TENM2: variants seen among roughly 807,000 people sequenced by gnomAD.
TENM2 encodes teneurin transmembrane protein 2.
A neutral mutation model predicts 245.2 loss-of-function variants in TENM2; 52 were observed. That is an observed-to-expected ratio of 0.21 (90% CI 0.17 to 0.27). The LOEUF (loss-of-function observed/expected upper bound fraction) is 0.27, where lower values mean the gene tolerates loss of function less well. TENM2 is among the 10% of genes least tolerant of loss of function. TENM2 has a pLI of 1.00. For synonymous variants in TENM2, 1,363 were observed against 1,438.9 expected (o/e 0.95, Z 1.19); for missense variants, 3,046 against 3,666.8 (o/e 0.83, Z 4.37).
intron 2 of TENM2, among the ~76,000 whole-genome samples, chr5:167,449,696 G>C (rs1765461554): frequency 6.6e-6 from 1 of 152,138 alleles, no homozygotes; most frequent in Non-Finnish European, 1.5e-5. Flanking sequence ...AGTGGCTCAT[G>C]CCTGTAATCC....
chr5:167,190,591 G>A, the TENM2 span, among the ~76,000 whole-genome samples: 1 of 152,134 alleles, frequency 6.6e-6, no homozygotes, highest in East Asian at 1.9e-4. Context: ...AAATCTCCAA[G>A]GGTACTTTTT....
At chr5:167,605,975 C>G (rs1777015238) in intron 2 of TENM2, among the ~76,000 whole-genome samples, 1 of 152,152 alleles carries the variant, frequency 6.6e-6, no homozygotes, top group East Asian at 1.9e-4. Context: ...CATGCATTTA[C>G]CCTCTTGGAA....
At position 168,138,730 on chromosome 5, in the gene TENM2, A is replaced by G. The variant is rs537462771; in HGVS notation, c.2422+11764A>G. On this transcript the variant is annotated intron_variant, in intron 12 of 28. Transcript: ENST00000518659. Reference sequence around the variant, plus strand: ...CTAAACATCAATAAGAAAGCCACACACATCATCCATGGTAACATGTCTGGG... The same window carrying G: ...CTAAACATCAATAAGAAAGCCACACGCATCATCCATGGTAACATGTCTGGG... Among the ~76,000 whole-genome samples, 4 of 152,316 alleles carry G rather than the reference A, an allele frequency of 2.6e-5. No homozygotes were observed. In the South Asian group the frequency reaches 8.3e-4, roughly 32 times the overall value.
chr5:167,611,066 AC>A (rs1257553310), intron 2 of TENM2, among the ~76,000 whole-genome samples: 3 of 152,196 alleles, frequency 2.0e-5, no homozygotes, highest in Admixed American at 6.5e-5. Context: ...GGGCATGCCC[AC>A]TATAGTAGCT....
At chr5:167,265,013 G>A in the TENM2 span, among the ~76,000 whole-genome samples, 1 of 152,022 alleles carries the variant, frequency 6.6e-6, no homozygotes, top group Non-Finnish European at 1.5e-5. Flanking sequence ...TTCCTGAGAA[G>A]AGAAAGCCAT....
chr5:167,828,649 A>C (rs1768192120), intron 2 of TENM2, among the ~76,000 whole-genome samples: 1 of 152,242 alleles, frequency 6.6e-6, no homozygotes, highest in African/African-American at 2.4e-5. Flanking sequence ...CTACATAGAC[A>C]GATAGACGAA....
At chr5:167,213,090 T>A in the TENM2 span, among the ~76,000 whole-genome samples, 1 of 152,214 alleles carries the variant, frequency 6.6e-6, no homozygotes, top group Admixed American at 6.5e-5. Flanking sequence ...GCTAAACTAG[T>A]TTACTTAGTA....
chr5:167,913,186 C>G (rs1213266276), intron 3 of TENM2, among the ~76,000 whole-genome samples: 1 of 152,214 alleles, frequency 6.6e-6, no homozygotes, highest in Non-Finnish European at 1.5e-5. Context: ...AACTCTGCAT[C>G]CACCTGCCTC....
At chr5:167,882,860 C>G (rs1196043193) in intron 3 of TENM2, among the ~76,000 whole-genome samples, 2 of 152,166 alleles carry the variant, frequency 1.3e-5, no homozygotes, top group South Asian at 4.1e-4. Flanking sequence ...CCATGAACCT[C>G]AGTTTCCCTA....
intron 2 of TENM2, among the ~76,000 whole-genome samples, chr5:167,660,776 C>T (rs1755160805): frequency 1.3e-5 from 2 of 152,092 alleles, no homozygotes; most frequent in Admixed American, 6.5e-5. Flanking sequence ...AAGGAAAGTA[C>T]ATTCTCCTGT....
chr5:168,004,202 A>G (rs532608416), intron 5 of TENM2, among the ~76,000 whole-genome samples: 1 of 152,310 alleles, frequency 6.6e-6, no homozygotes, highest in South Asian at 2.1e-4. Context: ...TTGTAAAAAA[A>G]TCTACATAAG....
intron 2 of TENM2, among the ~76,000 whole-genome samples, chr5:167,624,100 T>C (rs778645914): frequency 6.6e-6 from 1 of 152,148 alleles, no homozygotes; most frequent in East Asian, 1.9e-4. Context: ...TAAATCATTC[T>C]ACCAATAAGA....
At chr5:167,941,922 A>C (rs576991281) in intron 3 of TENM2, among the ~76,000 whole-genome samples, 1 of 150,628 alleles carries the variant, frequency 6.6e-6, no homozygotes, top group Non-Finnish European at 1.5e-5. Context: ...CATCTCAAAA[A>C]ACAGGCCAGG....
chr5:167,357,604 TTG>T (rs1490110883), intron 1 of TENM2, among the ~76,000 whole-genome samples: 1 of 152,126 alleles, frequency 6.6e-6, no homozygotes, highest in African/African-American at 2.4e-5. Flanking sequence ...GCATTTCAGA[TTG>T]TCTTATTTTT....
intron 12 of TENM2, among the ~76,000 whole-genome samples, chr5:168,131,616 T>C (rs1467866385): frequency 6.6e-6 from 1 of 152,076 alleles, no homozygotes; most frequent in Non-Finnish European, 1.5e-5. Context: ...AGAGGGAGAG[T>C]GCTTCAGAAC....
At chr5:168,025,490 G>A (rs1214262499) in intron 5 of TENM2, among the ~76,000 whole-genome samples, 1 of 152,148 alleles carries the variant, frequency 6.6e-6, no homozygotes, top group African/African-American at 2.4e-5. Flanking sequence ...AATAAATGAT[G>A]TGATAGCAAG....
At chr5:167,170,271 T>C in the TENM2 span, among the ~76,000 whole-genome samples, 1 of 152,352 alleles carries the variant, frequency 6.6e-6, no homozygotes, top group African/African-American at 2.4e-5. Flanking sequence ...TATTCTAACC[T>C]AGTCAAGCTT....
intron 2 of TENM2, among the ~76,000 whole-genome samples, chr5:167,868,791 A>T (rs921954264): frequency 2.6e-5 from 4 of 151,596 alleles, no homozygotes; most frequent in African/African-American, 9.7e-5. Context: ...GTCATTTTGC[A>T]TTCTGCAATA....
intron 1 of TENM2, among the ~76,000 whole-genome samples, chr5:167,358,834 CACACACACACACACA>C (rs1759514853): frequency 6.7e-6 from 1 of 148,244 alleles, no homozygotes; most frequent in African/African-American, 2.5e-5. Flanking sequence ...CACACACACA[CACACACACACACACA>C]CACCCTGCTG....
Sources: gnomAD v4.1 joint callset for allele counts (sites outside exome capture counted in the v4.1 genomes callset) on GRCh38, gnomAD v4.1.1 for gene constraint, MANE v1.5 for transcripts, NCBI Gene and HGNC (gene_info 2026-07-23, HGNC 2026-07-21) for gene names.